NXPH1: variants seen among roughly 807,000 people sequenced by gnomAD.
NXPH1 encodes the protein neurexophilin 1.
In NXPH1, 5 loss-of-function variants were observed where a neutral mutation model predicts 23.7. The observed-to-expected ratio is 0.21, with a 90% CI of 0.11 to 0.44. NXPH1 has a LOEUF of 0.44. NXPH1 is among the 20% of genes least tolerant of loss of function. The pLI is 0.99. For synonymous variants in NXPH1, 144 were observed against 122.2 expected, an observed-to-expected ratio of 1.18 and a Z score of -1.18; for missense variants, 324 against 321.6, an observed-to-expected ratio of 1.01 and a Z score of -0.06.
chr7:8,470,300 A>G (rs1816852070), intron 2 of NXPH1, among the ~76,000 whole-genome samples: 1 of 152,168 alleles, frequency 6.6e-6, no homozygotes, highest in Non-Finnish European at 1.5e-5. Context: ...TGCACATATA[A>G]GTGATGTTAA....
intron 2 of NXPH1, among the ~76,000 whole-genome samples, chr7:8,500,712 C>A (rs1817417140): frequency 6.6e-6 from 1 of 152,060 alleles, no homozygotes; most frequent in Admixed American, 6.6e-5. Context: ...CTGTCTGTAA[C>A]CACTGGAACC....
intron 2 of NXPH1, 115 bp from the exon 3 acceptor site, chr7:8,750,893 T>G (rs1455379268): frequency 9.4e-7 from 1 of 1,062,658 alleles, no homozygotes; most frequent in Non-Finnish European, 1.4e-6. Context: ...ATGCGGTGCT[T>G]TTAAAAAAAA....
At position 8,551,286 on chromosome 7, in the gene NXPH1, C is replaced by T. The variant is rs186511929; in HGVS notation, c.54+115519C>T. Reference sequence around the variant, plus strand: ...CATATCCTTTGTCTAAGATCTAATACATTAAAGAAGTGTTTGCTACTGTAT... The same window carrying T: ...CATATCCTTTGTCTAAGATCTAATATATTAAAGAAGTGTTTGCTACTGTAT... On this transcript the variant is annotated intron_variant, in intron 2 of 2. Transcript: ENST00000405863. 2.6e-5 allele frequency among the ~76,000 whole-genome samples: 4 copies of T among 151,566 alleles called. No individual in the cohort carries two copies. The East Asian group carries it at 7.8e-4, about 30-fold the overall frequency.
intron 2 of NXPH1, among the ~76,000 whole-genome samples, chr7:8,593,146 T>C (rs1169386150): frequency 6.6e-6 from 1 of 151,776 alleles, no homozygotes; most frequent in African/African-American, 2.4e-5. Flanking sequence ...CCTAAGCAGA[T>C]TGCATGTTTC....
At chr7:8,480,109 G>A (rs1027841529) in intron 2 of NXPH1, among the ~76,000 whole-genome samples, 1 of 152,116 alleles carries the variant, frequency 6.6e-6, no homozygotes, top group Admixed American at 6.5e-5. Flanking sequence ...AGATTTGGAT[G>A]GGGTACACTG....
At chr7:8,499,839 G>T (rs552170632) in intron 2 of NXPH1, among the ~76,000 whole-genome samples, 27 of 152,186 alleles carry the variant, frequency 1.8e-4, no homozygotes, top group African/African-American at 6.5e-4. Context: ...TAGAACCACA[G>T]ATTTTACAGA....
intron 2 of NXPH1, among the ~76,000 whole-genome samples, chr7:8,640,856 G>T (rs926841456): frequency 3.9e-5 from 6 of 152,044 alleles, no homozygotes; most frequent in Non-Finnish European, 5.9e-5. Flanking sequence ...CATGGGGCTG[G>T]GGCTGTTGGA....
chr7:8,577,968 A>ATCTGAG (rs1211803054), intron 2 of NXPH1, among the ~76,000 whole-genome samples: 2 of 152,230 alleles, frequency 1.3e-5, no homozygotes, highest in Non-Finnish European at 2.9e-5. Flanking sequence ...AGATGACTGC[A>ATCTGAG]GTCCCAGCGG....
chr7:8,593,799 C>A (rs1282082637), intron 2 of NXPH1, among the ~76,000 whole-genome samples: 2 of 151,980 alleles, frequency 1.3e-5, no homozygotes, highest in Non-Finnish European at 2.9e-5. Flanking sequence ...TGAGAACTGG[C>A]CTTGTCATTT....
chr7:8,730,556 C>T (rs1021207758), intron 2 of NXPH1, among the ~76,000 whole-genome samples: 6 of 152,024 alleles, frequency 3.9e-5, no homozygotes, highest in Admixed American at 1.3e-4. Flanking sequence ...AATCTCTCAG[C>T]ATTTGCTTGT....
intron 2 of NXPH1, among the ~76,000 whole-genome samples, chr7:8,701,108 A>T (rs1308354062): frequency 6.6e-6 from 1 of 151,986 alleles, no homozygotes; most frequent in Non-Finnish European, 1.5e-5. Flanking sequence ...TATTCTGTTA[A>T]TGTATATAAG....
chr7:8,586,086 G>C (rs1053782771), intron 2 of NXPH1, among the ~76,000 whole-genome samples: 1 of 152,148 alleles, frequency 6.6e-6, no homozygotes, highest in Non-Finnish European at 1.5e-5. Context: ...AACACAGAAA[G>C]TCTTGAACGA....
chr7:8,481,198 T>C (rs1817066984), intron 2 of NXPH1, among the ~76,000 whole-genome samples: 1 of 152,204 alleles, frequency 6.6e-6, no homozygotes, highest in Non-Finnish European at 1.5e-5. Context: ...GGTCAACTCC[T>C]TTTTCTCCTT....
At chr7:8,479,878 C>T (rs1267437397) in intron 2 of NXPH1, among the ~76,000 whole-genome samples, 1 of 152,014 alleles carries the variant, frequency 6.6e-6, no homozygotes, top group Non-Finnish European at 1.5e-5. Flanking sequence ...TTTTAAAAAC[C>T]TAGTTACCTT....
chr7:8,653,941 G>A (rs11974584), intron 2 of NXPH1, among the ~76,000 whole-genome samples: 3,420 of 152,236 alleles, frequency 0.022, 120 homozygotes, highest in South Asian at 0.048. Flanking sequence ...ATTAAAAGTG[G>A]CACTATTAAT....
At chr7:8,736,562 T>G (rs543517095) in intron 2 of NXPH1, among the ~76,000 whole-genome samples, 1 of 152,294 alleles carries the variant, frequency 6.6e-6, no homozygotes, top group Admixed American at 6.5e-5. Flanking sequence ...TGTAGTCAAT[T>G]TTAGGATAAG....
intron 2 of NXPH1, among the ~76,000 whole-genome samples, chr7:8,660,637 G>GAAACTGAAATCCTTTGTCAT (rs1352386790): frequency 6.6e-6 from 1 of 152,168 alleles, no homozygotes; most frequent in Non-Finnish European, 1.5e-5. Flanking sequence ...GCTACTCACT[G>GAAACTGAAATCCTTTGTCAT]AAACTGAAAT....
rs193179922 is a variant in NXPH1, at chr7:8,595,829, T to C, written c.55-155179T>C. 4.6e-5 allele frequency among the ~76,000 whole-genome samples: 7 copies of C among 152,166 alleles called. No individual in the cohort carries two copies. The East Asian group carries it at 1.2e-3, about 25-fold the overall frequency. On this transcript the variant is annotated intron_variant, in intron 2 of 2. Coordinates refer to ENST00000405863, the MANE Select transcript of NXPH1 (RefSeq NM_152745.3). ...AAGGAAAATTGAACAAACATCATCC[T>C]TTACCATCGCTTTTAGTGATTATGT... is the stretch of plus-strand genomic sequence containing the variant.
rs566456248 is a variant in NXPH1 at position 8,656,660 on chromosome 7, A to G, written c.55-94348A>G. On this transcript the variant is annotated intron_variant, in intron 2 of 2. Transcript: ENST00000405863. ...TGCACCCACTAACTCGTCATCTAGC[A>G]TTAGGTATATCTCCCAATGCTATCC... Among the ~76,000 whole-genome samples, 568 of 152,068 alleles carry G rather than the reference A, an allele frequency of 3.7e-3. 3 individuals carry two copies. The highest frequency in any genetic ancestry group is 6.0e-3 in the Non-Finnish European group (405 of 67,998).
Sources: gnomAD v4.1 joint callset for allele counts (sites outside exome capture counted in the v4.1 genomes callset) on GRCh38, gnomAD v4.1.1 for gene constraint, MANE v1.5 for transcripts, NCBI Gene and HGNC (gene_info 2026-07-23, HGNC 2026-07-21) for gene names.